Variants in INVS observed in about 807,000 individuals in gnomAD.
The protein encoded by INVS is inversin.
INVS carries 86 observed loss-of-function variants against 108.8 expected under a neutral mutation model. The observed-to-expected ratio is 0.79, with a 90% CI of 0.66 to 0.95. The LOEUF is 0.95. INVS is among the 40% of genes least tolerant of loss of function. The probability of loss-of-function intolerance (pLI) is 0.00; values close to 1 mark genes in which losing one functional copy is unlikely to be tolerated. For missense variants in INVS, 1,169 were observed against 1,297.4 expected (o/e 0.90, Z 1.52); for synonymous variants, 455 against 473.5 (o/e 0.96, Z 0.51).
intron 1 of INVS, among the ~76,000 whole-genome samples, chr9:100,100,937 AAT>A (rs1399913507): frequency 2.9e-4 from 9 of 31,550 alleles, no homozygotes; most frequent in East Asian, 1.8e-3. Context: ...TAATATATAT[AAT>A]ATATATACAT....
chr9:100,114,458 G>A (rs1827447768), intron 2 of INVS, among the ~76,000 whole-genome samples: 1 of 137,770 alleles, frequency 7.3e-6, no homozygotes, highest in African/African-American at 2.7e-5. Flanking sequence ...CTGAAGAGCA[G>A]TGGTACAATC....
chr9:100,149,445 C>T (rs527910965), intron 3 of INVS, among the ~76,000 whole-genome samples: 1 of 152,282 alleles, frequency 6.6e-6, no homozygotes, highest in Admixed American at 6.5e-5. Flanking sequence ...CTACTTTCTC[C>T]AAGCAGTGAG....
intron 10 of INVS, among the ~76,000 whole-genome samples, chr9:100,258,477 G>A (rs531779505): frequency 6.6e-6 from 1 of 152,310 alleles, no homozygotes; most frequent in African/African-American, 2.4e-5. Flanking sequence ...CTTTGAAGGA[G>A]AAGAGGCACT....
chr9:100,126,332 T>C, intron 2 of INVS, 51 bp from the exon 3 acceptor site: 1 of 1,390,506 alleles, frequency 7.2e-7, no homozygotes, highest in Middle Eastern at 1.8e-4. Context: ...TTCCTACTTA[T>C]ATTAGTAATA....
intron 10 of INVS, among the ~76,000 whole-genome samples, chr9:100,264,041 T>C (rs1454597204): frequency 6.6e-6 from 1 of 152,240 alleles, no homozygotes; most frequent in Non-Finnish European, 1.5e-5. Flanking sequence ...TGTTATTAGA[T>C]GCACACAAGT....
intron 4 of INVS, among the ~76,000 whole-genome samples, chr9:100,227,859 A>T (rs1202334959): frequency 1.3e-5 from 2 of 152,194 alleles, no homozygotes; most frequent in African/African-American, 4.8e-5. Flanking sequence ...GTAGCCAAGG[A>T]TCATCATTTG....
intron 3 of INVS, among the ~76,000 whole-genome samples, chr9:100,196,550 G>T (rs1027253802): frequency 1.3e-5 from 2 of 151,894 alleles, no homozygotes; most frequent in Non-Finnish European, 1.5e-5. Flanking sequence ...GACTCAAAAT[G>T]GTTCCTTTAT....
chr9:100,226,046 C>G lies in INVS; in HGVS notation c.274-16C>G. The G allele has an allele frequency of 6.3e-7, 1 of 1,599,472 alleles. No homozygotes were observed. The highest frequency in any genetic ancestry group is 8.5e-7 in the Non-Finnish European group (1 of 1,170,994). ...ATAGTACATTTTTTTCTTATCATCTCTTGTTTTTTATTTAGGGAAATTATC... is the reference window on the plus strand; with the variant it reads ...ATAGTACATTTTTTTCTTATCATCTGTTGTTTTTTATTTAGGGAAATTATC... On this transcript the variant is annotated splice_polypyrimidine_tract_variant and intron_variant, in intron 3 of 16. Coordinates refer to ENST00000262457, the MANE Select transcript of INVS (RefSeq NM_014425.5).
intron 3 of INVS, among the ~76,000 whole-genome samples, chr9:100,181,222 A>G (rs1829877971): frequency 6.6e-6 from 1 of 152,202 alleles, no homozygotes; most frequent in Non-Finnish European, 1.5e-5. Flanking sequence ...CTGGCACATG[A>G]CAAGGATGCC....
At chr9:100,100,927 TAATATATATAA>T (rs1826931204) in intron 1 of INVS, among the ~76,000 whole-genome samples, 6 of 24,512 alleles carry the variant, frequency 2.4e-4, no homozygotes, top group African/African-American at 1.8e-3. Flanking sequence ...TGTATATATA[TAATATATATAA>T]TATATATACA....
chr9:100,099,825 ACACT>A (rs1338712614), intron 1 of INVS, among the ~76,000 whole-genome samples: 4 of 152,286 alleles, frequency 2.6e-5, no homozygotes, highest in Non-Finnish European at 5.9e-5. Context: ...TCTTCTGCAA[ACACT>A]CAGTGAGGTC....
At chr9:100,265,773 G>A (rs1389743430) in intron 11 of INVS, among the ~76,000 whole-genome samples, 3 of 152,018 alleles carry the variant, frequency 2.0e-5, no homozygotes, top group Admixed American at 2.0e-4. Context: ...AAGAATCCAG[G>A]CCCAATAAAA....
intron 3 of INVS, 109 bp downstream of exon 3, chr9:100,126,658 C>T: frequency 9.6e-7 from 1 of 1,038,556 alleles, no homozygotes; most frequent in South Asian, 1.3e-5. Context: ...ATGCATGACT[C>T]ATAGGTTTTA....
At chr9:100,122,576 CTTTTTTTTTTTTTT>C (rs1161036698) in intron 2 of INVS, among the ~76,000 whole-genome samples, 3 of 57,532 alleles carry the variant, frequency 5.2e-5, no homozygotes, top group Non-Finnish European at 9.4e-5. Flanking sequence ...AAGTGAGTTT[CTTTTTTTTTTTTTT>C]TTTTTTTTTT....
chr9:100,229,485 T>C (rs1198465581), intron 4 of INVS, among the ~76,000 whole-genome samples, 175 bp from the exon 5 acceptor site: 1 of 152,216 alleles, frequency 6.6e-6, no homozygotes, highest in Admixed American at 6.5e-5. Context: ...TGGAATGTTC[T>C]ATTTAATATA....
intron 3 of INVS, among the ~76,000 whole-genome samples, chr9:100,151,498 A>T (rs937965316): frequency 5.3e-5 from 8 of 151,898 alleles, no homozygotes; most frequent in African/African-American, 1.7e-4. Flanking sequence ...TAATAAATAT[A>T]TATATACCTT....
chr9:100,292,943 G>T lies in INVS; in HGVS notation c.2686G>T (p.Val896Leu). ...GQSVNIDLLPVELRLQIIQRE... is the reference protein window; with the variant it reads ...GQSVNIDLLPLELRLQIIQRE... ...GAGTGTGAATATTGACCTTCTCCCC[G>T]TAGAGCTCCGACTGCAGATAATTCA... The change falls in exon 14 of 17, where the codon GTA becomes TTA. Residue 896 changes from valine (V) to leucine (L), a missense_variant. By Grantham distance (32) the Val-to-Leu change is conservative. Coordinates refer to ENST00000262457, the MANE Select transcript of INVS (RefSeq NM_014425.5). 1 of 1,613,202 alleles carries T rather than the reference G, an allele frequency of 6.2e-7. No individual in the cohort carries two copies. The highest frequency in any genetic ancestry group is 8.5e-7 in the Non-Finnish European group (1 of 1,179,204).
chr9:100,158,441 G>A (rs1246836814), intron 3 of INVS, among the ~76,000 whole-genome samples: 2 of 152,106 alleles, frequency 1.3e-5, no homozygotes, highest in Non-Finnish European at 1.5e-5. Flanking sequence ...TCTAGTCCCT[G>A]CTCATTTATT....
rs2787374 is a variant in INVS at position 100,292,669 on chromosome 9, T to C, written c.2412T>C (p.Ser804=). 0.54 allele frequency: 867,440 copies of C among 1,613,762 alleles called. 244,431 individuals carry two copies. Among genetic ancestry groups the C allele is most frequent in the African/African-American group, 0.59 (44,469 of 74,924 alleles). ...RTQELRGGRC[S]PAGSSRPGSA... Reference sequence around the variant, plus strand: ...AAGAGCTCAGAGGAGGAAGGTGCTCTCCGGCTGGTTCTAGCCGCCCTGGCA... The same window carrying C: ...AAGAGCTCAGAGGAGGAAGGTGCTCCCCGGCTGGTTCTAGCCGCCCTGGCA... Residue 804 remains serine (S), a synonymous_variant, in exon 14 of 17, where the codon TCT becomes TCC. Transcript: ENST00000262457.
Sources: allele counts gnomAD v4.1 joint callset (sites outside exome capture counted in the v4.1 genomes callset), GRCh38; gene constraint gnomAD v4.1.1; transcripts MANE v1.5; gene names NCBI Gene and HGNC (gene_info 2026-07-23, HGNC 2026-07-21).